Variants in ATRNL1 observed in about 807,000 individuals in gnomAD.
ATRNL1 encodes attractin-like protein 1.
A neutral mutation model predicts 182.7 loss-of-function variants in ATRNL1; 95 were observed. The observed-to-expected ratio is 0.52, with a 90% CI of 0.44 to 0.62. ATRNL1 has a LOEUF of 0.62. ATRNL1 is among the 20% of genes least tolerant of loss of function. The pLI is 0.00. For missense variants in ATRNL1, 1,471 were observed against 1,679.5 expected, an observed-to-expected ratio of 0.88 and a Z score of 2.17; for synonymous variants, 576 against 568.3, an observed-to-expected ratio of 1.01 and a Z score of -0.19.
At chr10:115,390,977 A>G (rs1208919368) in intron 19 of ATRNL1, among the ~76,000 whole-genome samples, 1 of 151,986 alleles carries the variant, frequency 6.6e-6, no homozygotes, top group African/African-American at 2.4e-5. Context: ...GATGTTATTG[A>G]TTTTTGTATG....
At chr10:115,944,619 T>G (rs781826860) in intron 28 of ATRNL1, 39 bp from the exon 29 acceptor site, 3 of 1,569,154 alleles carry the variant, frequency 1.9e-6, no homozygotes, top group Non-Finnish European at 2.6e-6. Flanking sequence ...CCCAGAAATG[T>G]CTAAGCAAGC....
intron 1 of ATRNL1, among the ~76,000 whole-genome samples, chr10:115,108,823 T>C (rs1323563177): frequency 1.3e-5 from 2 of 152,212 alleles, no homozygotes; most frequent in Non-Finnish European, 1.5e-5. Context: ...GCCCTTGTTC[T>C]CTGACTAAGT....
chr10:115,554,531 A>G (rs1444188339), intron 26 of ATRNL1, among the ~76,000 whole-genome samples: 2 of 151,592 alleles, frequency 1.3e-5, no homozygotes, highest in African/African-American at 4.8e-5. Context: ...ATTATAGACA[A>G]ATTGATAAAT....
chr10:115,686,900 ACT>A (rs782158072), intron 26 of ATRNL1, among the ~76,000 whole-genome samples: 3 of 151,906 alleles, frequency 2.0e-5, no homozygotes, highest in African/African-American at 2.4e-5. Flanking sequence ...TATTCAAAAA[ACT>A]CTGCATATTT....
At chr10:115,382,614 C>T (rs951894707) in intron 19 of ATRNL1, among the ~76,000 whole-genome samples, 9 of 150,962 alleles carry the variant, frequency 6.0e-5, no homozygotes, top group African/African-American at 1.9e-4. Flanking sequence ...TTTAGGCTAT[C>T]CAAGATCATG....
chr10:115,932,018 G>C (rs1555121739), intron 28 of ATRNL1, among the ~76,000 whole-genome samples: 1 of 152,162 alleles, frequency 6.6e-6, no homozygotes, highest in African/African-American at 2.4e-5. Context: ...CCTGCCTGTG[G>C]AGTTTGAAAG....
chr10:115,351,609 A>G (rs1416024444), intron 19 of ATRNL1, among the ~76,000 whole-genome samples: 5 of 152,096 alleles, frequency 3.3e-5, no homozygotes, highest in African/African-American at 1.2e-4. Flanking sequence ...ACTATCTTGC[A>G]CCCCTGAGAT....
At chr10:115,592,215 T>C (rs1393491952) in intron 26 of ATRNL1, among the ~76,000 whole-genome samples, 3 of 152,092 alleles carry the variant, frequency 2.0e-5, no homozygotes, top group Non-Finnish European at 4.4e-5. Flanking sequence ...AACTATTGGG[T>C]ACTGTGCTCA....
intron 26 of ATRNL1, among the ~76,000 whole-genome samples, chr10:115,590,855 G>C (rs1356769858): frequency 6.6e-6 from 1 of 152,144 alleles, no homozygotes; most frequent in Non-Finnish European, 1.5e-5. Flanking sequence ...TTGATCAGAG[G>C]TTTCACCATC....
chr10:115,469,108 T>C, intron 23 of ATRNL1, 64 bp from the exon 24 acceptor site: 1 of 564,558 alleles, frequency 1.8e-6, no homozygotes, highest in African/African-American at 2.0e-5. Context: ...AAAACTATAA[T>C]ATGCATTTTT....
At chr10:115,790,551 T>C (rs1319968824) in intron 27 of ATRNL1, among the ~76,000 whole-genome samples, 1 of 152,088 alleles carries the variant, frequency 6.6e-6, no homozygotes, top group Non-Finnish European at 1.5e-5. Flanking sequence ...AGAGGATCAT[T>C]ATGTAAATTT....
At chr10:115,251,630 C>T (rs2133844132) in intron 10 of ATRNL1, among the ~76,000 whole-genome samples, 1 of 152,148 alleles carries the variant, frequency 6.6e-6, no homozygotes, top group East Asian at 1.9e-4. Context: ...ATTGGCATAT[C>T]CTCTGGCCCT....
chr10:115,146,817 T>A (rs1436017526), intron 5 of ATRNL1, among the ~76,000 whole-genome samples: 1 of 149,134 alleles, frequency 6.7e-6, no homozygotes, highest in African/African-American at 2.5e-5. Context: ...TTTTTTTTTG[T>A]GGCTGACTAG....
At chr10:115,628,830 T>C (rs1000143772) in intron 26 of ATRNL1, among the ~76,000 whole-genome samples, 31 of 152,138 alleles carry the variant, frequency 2.0e-4, no homozygotes, top group African/African-American at 7.2e-4. Flanking sequence ...TGGTATTACT[T>C]TTATGGCAAA....
chr10:115,913,286 C>CAAA (rs1952741594), intron 28 of ATRNL1, among the ~76,000 whole-genome samples: 1 of 152,164 alleles, frequency 6.6e-6, no homozygotes, highest in Non-Finnish European at 1.5e-5. Flanking sequence ...CCAACACAGT[C>CAAA]CTGAGTCCTT....
chr10:115,532,245 T>G (rs1288695370), intron 25 of ATRNL1, among the ~76,000 whole-genome samples: 2 of 152,220 alleles, frequency 1.3e-5, no homozygotes, highest in Non-Finnish European at 2.9e-5. Context: ...ATGATATTGA[T>G]TCTTCCTACC....
chr10:115,924,358 C>T (rs1589701579), intron 28 of ATRNL1, among the ~76,000 whole-genome samples: 1 of 151,864 alleles, frequency 6.6e-6, no homozygotes, highest in East Asian at 1.9e-4. Flanking sequence ...CCTAGGTTTT[C>T]TAGGGTTTTT....
At chr10:115,788,831 A>G (rs1949457142) in intron 27 of ATRNL1, among the ~76,000 whole-genome samples, 1 of 152,236 alleles carries the variant, frequency 6.6e-6, no homozygotes. Context: ...AAGCCTTTCT[A>G]ACTGTGGCAA....
chr10:115,124,154 A>T (rs1332956030), intron 3 of ATRNL1, among the ~76,000 whole-genome samples: 1 of 152,072 alleles, frequency 6.6e-6, no homozygotes, highest in Non-Finnish European at 1.5e-5. Flanking sequence ...CTGGTTCCAA[A>T]AAGGTTGGGG....
Sources: allele counts gnomAD v4.1 joint callset (sites outside exome capture counted in the v4.1 genomes callset), GRCh38; gene constraint gnomAD v4.1.1; transcripts MANE v1.5; gene names NCBI Gene and HGNC (gene_info 2026-07-23, HGNC 2026-07-21).